The following ARHGAP29 variants were observed in gnomAD, a reference collection of about 807,000 sequenced individuals.
ARHGAP29 encodes the protein Rho GTPase activating protein 29.
Under a neutral mutation model 122.6 loss-of-function variants are expected in ARHGAP29, and 43 were observed. The ratio of observed to expected loss-of-function variants is 0.35; its 90% CI spans 0.27 to 0.45. ARHGAP29 has a LOEUF of 0.45. ARHGAP29 is among the 20% of genes least tolerant of loss of function. The probability of loss-of-function intolerance (pLI) is 1.00; values close to 1 mark genes in which losing one functional copy is unlikely to be tolerated. For synonymous variants in ARHGAP29, 506 were observed against 497.1 expected, an observed-to-expected ratio of 1.02 and a Z score of -0.24; for missense variants, 1,303 against 1,477.2, an observed-to-expected ratio of 0.88 and a Z score of 1.93.
chr1:94,267,219 C>G (rs2100726140), intron 1 of ARHGAP29, among the ~76,000 whole-genome samples: 1 of 152,312 alleles, frequency 6.6e-6, no homozygotes, highest in East Asian at 1.9e-4. Context: ...ATGGGGCCAT[C>G]TTAGCTCCTC....
At chr1:94,206,108 T>C (rs898346455) in intron 5 of ARHGAP29, among the ~76,000 whole-genome samples, 11 of 152,184 alleles carry the variant, frequency 7.2e-5, no homozygotes, top group African/African-American at 2.7e-4. Flanking sequence ...GTCTATTACA[T>C]AGCTTAGCAC....
chr1:94,215,329 A>C lies in ARHGAP29; in HGVS notation c.340+4929T>G, dbSNP rs573078774. Among the ~76,000 whole-genome samples the C allele has an allele frequency of 9.7e-4, 147 of 151,960 alleles. 1 individual carries two copies. The highest frequency in any genetic ancestry group is 2.5e-3 in the African/African-American group (102 of 41,548). ...CATCAAAAAACAAAACAAAACAAAA[A>C]AAAAACCAGTAGATATTTTTTAGAA... On this transcript the variant is annotated intron_variant, in intron 3 of 22. Transcript: ENST00000260526.
At chr1:94,203,250 T>C (rs927591810) in intron 8 of ARHGAP29, 40 bp from the exon 9 acceptor site, 27 of 1,445,930 alleles carry the variant, frequency 1.9e-5, no homozygotes, top group Non-Finnish European at 2.2e-5. Context: ...ACAATAGAAA[T>C]GGCACTAGAA....
chr1:94,281,412 T>A, the ARHGAP29 span, among the ~76,000 whole-genome samples: 1 of 152,104 alleles, frequency 6.6e-6, no homozygotes, highest in Non-Finnish European at 1.5e-5. Flanking sequence ...AGGCAGGAGG[T>A]GTGCTAGAGG....
chr1:94,179,586 C>T, intron 20 of ARHGAP29, 139 bp downstream of exon 20: 1 of 537,248 alleles, frequency 1.9e-6, no homozygotes, highest in Non-Finnish European at 2.9e-6. Flanking sequence ...GAGCGAGACT[C>T]TGTCTCAAAA....
the ARHGAP29 span, among the ~76,000 whole-genome samples, chr1:94,314,049 A>C: frequency 1.3e-5 from 2 of 152,160 alleles, no homozygotes; most frequent in African/African-American, 4.8e-5. Context: ...GGGTGCAGCA[A>C]ACCAACGTGG....
At chr1:94,226,827 G>A (rs1652640520) in intron 2 of ARHGAP29, among the ~76,000 whole-genome samples, 1 of 151,838 alleles carries the variant, frequency 6.6e-6, no homozygotes, top group African/African-American at 2.4e-5. Flanking sequence ...ATATTCATTA[G>A]GAATAACTTC....
intron 15 of ARHGAP29, 99 bp downstream of exon 15, chr1:94,188,738 G>T: frequency 1.0e-6 from 1 of 958,772 alleles, no homozygotes; most frequent in South Asian, 1.6e-5. Flanking sequence ...TCTCTATTAT[G>T]TGTGAAAGTT....
intron 1 of ARHGAP29, among the ~76,000 whole-genome samples, chr1:94,232,241 C>T (rs1044849369): frequency 1.7e-5 from 2 of 119,338 alleles, no homozygotes; most frequent in African/African-American, 3.1e-5. Flanking sequence ...GGAGTAACAT[C>T]CTGACAACAC....
the ARHGAP29 span, among the ~76,000 whole-genome samples, chr1:94,284,366 A>T: frequency 6.6e-6 from 1 of 152,218 alleles, no homozygotes. Context: ...CATTGCAGAG[A>T]TTATTGTTAT....
chr1:94,191,685 T>C (rs1650139811), intron 12 of ARHGAP29: 1 of 152,164 alleles, frequency 6.6e-6, no homozygotes. Flanking sequence ...ACCAGTGCAT[T>C]GAAAAAGTTA....
At chr1:94,290,238 G>A in the ARHGAP29 span, among the ~76,000 whole-genome samples, 58 of 152,212 alleles carry the variant, frequency 3.8e-4, no homozygotes, top group Non-Finnish European at 7.6e-4. Flanking sequence ...TTCTCTGATG[G>A]TAGTTTGTAT....
the ARHGAP29 span, among the ~76,000 whole-genome samples, chr1:94,294,282 ACG>A: frequency 6.6e-6 from 1 of 151,308 alleles, no homozygotes; most frequent in African/African-American, 2.4e-5. Flanking sequence ...ACACACACAC[ACG>A]CGCATATATT....
At chr1:94,185,726 AATAAC>A (rs1570498643) in intron 16 of ARHGAP29, among the ~76,000 whole-genome samples, 1 of 152,202 alleles carries the variant, frequency 6.6e-6, no homozygotes, top group East Asian at 1.9e-4. Context: ...TGCTATGAAT[AATAAC>A]ATGACATAAC....
intron 1 of ARHGAP29, among the ~76,000 whole-genome samples, chr1:94,272,831 C>T (rs903744356): frequency 1.8e-4 from 28 of 152,172 alleles, no homozygotes; most frequent in African/African-American, 6.5e-4. Context: ...AGATCTTATG[C>T]GTGTCTAATT....
upstream of ARHGAP29, among the ~76,000 whole-genome samples, chr1:94,239,534 A>G: frequency 6.6e-6 from 1 of 152,062 alleles, no homozygotes; most frequent in East Asian, 1.9e-4. Flanking sequence ...GGGAGAGACA[A>G]ATATGTGAGA....
intron 12 of ARHGAP29, among the ~76,000 whole-genome samples, chr1:94,198,320 A>T (rs1410660743): frequency 2.6e-5 from 4 of 152,156 alleles, no homozygotes. Context: ...CCACAAAAAA[A>T]TACAAAAATT....
chr1:94,239,081 A>G (rs1653471204), upstream of ARHGAP29, among the ~76,000 whole-genome samples: 1 of 152,184 alleles, frequency 6.6e-6, no homozygotes, highest in South Asian at 2.1e-4. Context: ...TCCTGCCACA[A>G]ATAGGAAACC....
the ARHGAP29 span, among the ~76,000 whole-genome samples, chr1:94,285,359 C>T: frequency 9.9e-5 from 15 of 152,102 alleles, no homozygotes; most frequent in East Asian, 2.5e-3. Flanking sequence ...AAAATACAGT[C>T]CCGGTCTCAA....
Sources: allele counts gnomAD v4.1 joint callset (sites outside exome capture counted in the v4.1 genomes callset), GRCh38; gene constraint gnomAD v4.1.1; transcripts MANE v1.5; gene names NCBI Gene and HGNC (gene_info 2026-07-23, HGNC 2026-07-21).